The following ETNPPL variants were observed in gnomAD, a reference collection of about 807,000 sequenced individuals.
ETNPPL encodes the protein ethanolamine-phosphate phospho-lyase.
ETNPPL carries 30 observed loss-of-function variants against 55.5 expected under a neutral mutation model. That is an observed-to-expected ratio of 0.54 (90% confidence interval 0.40 to 0.73). The LOEUF (loss-of-function observed/expected upper bound fraction) is 0.73. ETNPPL is among the 30% of genes least tolerant of loss of function. The pLI is 0.00. For missense variants in ETNPPL, 528 were observed against 607.9 expected (o/e 0.87, Z 1.38); for synonymous variants, 202 against 207.2 (o/e 0.98, Z 0.21).
intron 7 of ETNPPL, among the ~76,000 whole-genome samples, chr4:108,750,332 C>G (rs1250759143): frequency 1.3e-5 from 2 of 151,880 alleles, no homozygotes; most frequent in African/African-American, 4.8e-5. Context: ...ACTGGCCTAG[C>G]CTCCCAGCCT....
chr4:108,761,070 C>T (rs765649001), intron 1 of ETNPPL, among the ~76,000 whole-genome samples: 2 of 152,118 alleles, frequency 1.3e-5, no homozygotes, highest in Admixed American at 1.3e-4. Flanking sequence ...TTCTTCTAAG[C>T]ATTTAATATG....
At chr4:108,760,142 C>T (rs936503159) in intron 2 of ETNPPL, 46 bp downstream of exon 2, 5 of 1,358,932 alleles carry the variant, frequency 3.7e-6, no homozygotes, top group Non-Finnish European at 5.2e-6. Context: ...GTCAGCTTTA[C>T]TCCATGAACA....
intron 1 of ETNPPL, among the ~76,000 whole-genome samples, chr4:108,761,304 T>C (rs534535321): frequency 5.3e-5 from 8 of 152,338 alleles, no homozygotes; most frequent in African/African-American, 1.9e-4. Flanking sequence ...TAAATTGATA[T>C]GTAACTGTTT....
chr4:108,760,265 A>G lies in ETNPPL; in HGVS notation c.98T>C (p.Ile33Thr). ...CATGTACTGCCTCTGGGCTCTCACTATTTTGATGGGATCCGATGCAAAGAA... is the reference window on the plus strand; with the variant it reads ...CATGTACTGCCTCTGGGCTCTCACTGTTTTGATGGGATCCGATGCAAAGAA... ...KVFFASDPIK[I>T]VRAQRQYMFD... Residue 33 changes from isoleucine to threonine, a missense_variant, in exon 2 of 13, where the codon ATA (isoleucine) becomes ACA (threonine). Ile to Thr is a moderately conservative substitution (Grantham distance 89). Coordinates refer to ENST00000296486, the MANE Select transcript of ETNPPL (RefSeq NM_031279.4). The G allele has an allele frequency of 6.2e-7, 1 of 1,612,260 alleles. No individual in the cohort carries two copies.
intron 7 of ETNPPL, 63 bp downstream of exon 7, chr4:108,750,873 T>C: frequency 8.7e-7 from 1 of 1,143,090 alleles, no homozygotes; most frequent in Non-Finnish European, 1.3e-6. Context: ...GCAACTAGTA[T>C]GGCCCTACAG....
At chr4:108,759,273 T>A (rs866712047) in intron 3 of ETNPPL, among the ~76,000 whole-genome samples, 1 of 148,194 alleles carries the variant, frequency 6.7e-6, no homozygotes, top group South Asian at 2.2e-4. Flanking sequence ...TTGTGGCGGG[T>A]GCCTGTAATC....
intron 6 of ETNPPL, among the ~76,000 whole-genome samples, chr4:108,752,221 G>GT (rs33948277): frequency 0.034 from 5,167 of 151,716 alleles, 286 homozygotes; most frequent in African/African-American, 0.12. Flanking sequence ...TTCAGTTAAG[G>GT]TTTTTTTTTA....
At chr4:108,762,144 A>C (rs1414570435) in intron 1 of ETNPPL, 1 of 274,548 alleles carries the variant, frequency 3.6e-6, no homozygotes, top group Non-Finnish European at 7.4e-6. Flanking sequence ...CACACAGGGA[A>C]TATGACATCC....
chr4:108,752,948 A>C lies in ETNPPL; in HGVS notation c.565T>G (p.Tyr189Asp), dbSNP rs146141629. The C allele has an allele frequency of 1.9e-6, 3 of 1,613,030 alleles. No individual in the cohort carries two copies. The highest frequency in any genetic ancestry group is 2.5e-6 in the Non-Finnish European group (3 of 1,179,480). ...ATGATTTTCTTCACTTCATCTGCAT[A>C]AGCACTGGCTGAGTCTGCATGGTCT... Reference protein sequence around the residue: ...REDHADSASAYADEVKKIIED... With the variant: ...REDHADSASADADEVKKIIED... The change falls in exon 6 of 13, where the codon TAT (tyrosine) becomes GAT (aspartate). Residue 189 changes from tyrosine (Y) to aspartate (D), a missense_variant. By Grantham distance (160) the Tyr-to-Asp change is radical. Coordinates refer to ENST00000296486, the MANE Select transcript of ETNPPL (RefSeq NM_031279.4).
chr4:108,744,505 G>C (rs886923872), intron 11 of ETNPPL, among the ~76,000 whole-genome samples: 4 of 151,924 alleles, frequency 2.6e-5, no homozygotes, highest in Non-Finnish European at 5.9e-5. Context: ...GGGATCAAAG[G>C]ACACATCTGC....
chr4:108,760,015 A>C, intron 2 of ETNPPL, 107 bp from the exon 3 acceptor site: 1 of 1,261,090 alleles, frequency 7.9e-7, no homozygotes, highest in Non-Finnish European at 1.1e-6. Flanking sequence ...AACAAACAAA[A>C]GTTGAGTTCC....
intron 2 of ETNPPL, 119 bp downstream of exon 2, chr4:108,760,069 T>C: frequency 7.7e-6 from 8 of 1,037,600 alleles, no homozygotes; most frequent in African/African-American, 1.6e-5. Flanking sequence ...CTAGGACTAC[T>C]GGCCCACTCA....
intron 5 of ETNPPL, 121 bp downstream of exon 5, chr4:108,754,499 A>T: frequency 1.6e-6 from 1 of 635,306 alleles, no homozygotes; most frequent in Non-Finnish European, 2.8e-6. Flanking sequence ...TTAGCAAGCC[A>T]CATAACTGCT....
At chr4:108,743,124 G>A (rs1481345957) in intron 12 of ETNPPL, among the ~76,000 whole-genome samples, 3 of 152,160 alleles carry the variant, frequency 2.0e-5, no homozygotes, top group Non-Finnish European at 4.4e-5. Context: ...ATGCGCAGGC[G>A]GGCTCGAGGC....
chr4:108,749,545 CAAA>C, intron 7 of ETNPPL, 82 bp from the exon 8 acceptor site: 4 of 819,258 alleles, frequency 4.9e-6, no homozygotes, highest in African/African-American at 1.8e-5. Flanking sequence ...TTATTGAAGA[CAAA>C]AAAAAAAAGT....
In ETNPPL at chr4:108,746,805, T is replaced by C; in HGVS notation, c.1129A>G (p.Lys377Glu). The change falls in exon 10 of 13, where the codon AAA (lysine) becomes GAA (glutamate). Residue 377 changes from lysine to glutamate, a missense_variant. Coordinates refer to ENST00000296486, the MANE Select transcript of ETNPPL (RefSeq NM_031279.4). Reference protein sequence around the residue: ...IGIDLVKDHLKRTPATAEAQH... With the variant: ...IGIDLVKDHLERTPATAEAQH... The stretch of plus-strand genomic sequence containing the variant: ...GCTTCAGCTGTGGCAGGGGTCCTTT[T>C]CAGATGGTCCTTCACTAAATCAATT... 1.9e-6 allele frequency: 3 copies of C among 1,613,960 alleles called. No homozygotes were observed. Among genetic ancestry groups the C allele is most frequent in the Non-Finnish European group, 1.7e-6 (2 of 1,179,980 alleles).
At chr4:108,748,490 G>T (rs1051654440) in intron 8 of ETNPPL, among the ~76,000 whole-genome samples, 1 of 152,134 alleles carries the variant, frequency 6.6e-6, no homozygotes, top group African/African-American at 2.4e-5. Context: ...AGGGGTTTCT[G>T]CCCTTGAAGA....
At chr4:108,757,449 G>C (rs1729265733) in intron 3 of ETNPPL, among the ~76,000 whole-genome samples, 1 of 152,100 alleles carries the variant, frequency 6.6e-6, no homozygotes, top group South Asian at 2.1e-4. Flanking sequence ...GCAGGATTCA[G>C]ACTGAAGACT....
At chr4:108,747,197 T>C (rs1435271707) in intron 9 of ETNPPL, among the ~76,000 whole-genome samples, 3 of 8,150 alleles carry the variant, frequency 3.7e-4, no homozygotes, top group Non-Finnish European at 5.2e-4. Context: ...ATATATATTA[T>C]ATATATATAT....
Sources: gnomAD v4.1 joint callset for allele counts (sites outside exome capture counted in the v4.1 genomes callset) on GRCh38, gnomAD v4.1.1 for gene constraint, MANE v1.5 for transcripts, NCBI Gene and HGNC (gene_info 2026-07-23, HGNC 2026-07-21) for gene names.